The following ENG variants were observed in gnomAD, a reference collection of about 807,000 sequenced individuals.
ENG encodes the protein endoglin.
Under a neutral mutation model 71.0 loss-of-function variants are expected in ENG, and 17 were observed. The ratio of observed to expected loss-of-function variants is 0.24; its 90% CI spans 0.16 to 0.36. The LOEUF (loss-of-function observed/expected upper bound fraction) is 0.36. Among genes scored for constraint, ENG ranks in the 10% least tolerant of loss-of-function variants. The pLI is 1.00. For missense variants in ENG, 749 were observed against 868.3 expected (o/e 0.86, Z 1.73); for synonymous variants, 360 against 366.9 (o/e 0.98, Z 0.21).
rs1830899884 is a variant in ENG at position 127,836,217 on chromosome 9, C to A, written c.220-6390G>T. 6.6e-6 allele frequency among the ~76,000 whole-genome samples: 1 copy of A among 152,226 alleles called. No homozygotes were observed. The highest frequency in any genetic ancestry group is 1.5e-5 in the Non-Finnish European group (1 of 68,028). On this transcript the variant is annotated intron_variant, in intron 2 of 14. Transcript: ENST00000373203. The surrounding 1 kb of genome is among the most constrained non-coding windows in gnomAD (Gnocchi z 4.0). ...TTGCCCCCAACCCCAAGCTCCCAGCCTTCCTCATGGGACCCTGGGAATTCC... is the reference window on the plus strand; with the variant it reads ...TTGCCCCCAACCCCAAGCTCCCAGCATTCCTCATGGGACCCTGGGAATTCC...
At chr9:127,818,922 G>T in intron 10 of ENG, 90 bp from the exon 11 acceptor site, 2 of 1,113,812 alleles carry the variant, frequency 1.8e-6, no homozygotes. Context: ...TCATGGCCCT[G>T]TGGAGTTGCC....
At position 127,838,459 on chromosome 9, in the gene ENG, G is replaced by A. The variant is rs781694307; in HGVS notation, c.219+4635C>T. ...CCACTGCCTCCCAGGACAGTCTGGGGGAGCTAAGGTCCCTCCCGGCTCTCT... is the reference window on the plus strand; with the variant it reads ...CCACTGCCTCCCAGGACAGTCTGGGAGAGCTAAGGTCCCTCCCGGCTCTCT... On this transcript the variant is annotated intron_variant, in intron 2 of 14. Transcript: ENST00000373203. The surrounding 1 kb of genome is among the most constrained non-coding windows in gnomAD (Gnocchi z 4.3). Among the ~76,000 whole-genome samples, 4 of 152,178 alleles carry A rather than the reference G, an allele frequency of 2.6e-5. No homozygotes were observed. The highest frequency in any genetic ancestry group is 5.9e-5 in the Non-Finnish European group (4 of 68,024).
chr9:127,837,620 C>A (rs927906069), intron 2 of ENG, among the ~76,000 whole-genome samples: 1 of 152,158 alleles, frequency 6.6e-6, no homozygotes, highest in African/African-American at 2.4e-5. Context: ...CCAACACCTC[C>A]GAACGACCAG....
chr9:127,831,908 G>T (rs1473380995), intron 2 of ENG, among the ~76,000 whole-genome samples: 1 of 151,208 alleles, frequency 6.6e-6, no homozygotes, highest in Non-Finnish European at 1.5e-5. Context: ...GGCCAGGCTG[G>T]CTTTTCTTTG....
chr9:127,819,908 T>G lies in ENG; in HGVS notation c.1264A>C (p.Ser422Arg). ...TTGGCCCCAGCTCTTACCTCATTGC[T>G]GATCATACTTGCTGACACCTGCATG... ...CGMQVSASMI[S>R]NEAVVNILSS... Residue 422 changes from serine (S) to arginine (R), a missense_variant, in exon 9 of 15, where the codon AGC becomes CGC. Transcript: ENST00000373203. 1.2e-6 allele frequency: 2 copies of G among 1,614,248 alleles called. No homozygotes were observed. Among genetic ancestry groups the G allele is most frequent in the South Asian group, 1.1e-5 (1 of 91,090 alleles).
At chr9:127,848,809 A>G (rs1327176208) in intron 1 of ENG, among the ~76,000 whole-genome samples, 1 of 152,240 alleles carries the variant, frequency 6.6e-6, no homozygotes, top group Admixed American at 6.5e-5. Context: ...CAGTTAGTCC[A>G]GGGCTCAGAG....
chr9:127,828,983 C>G (rs1190847637), intron 3 of ENG, among the ~76,000 whole-genome samples: 1 of 152,150 alleles, frequency 6.6e-6, no homozygotes, highest in Non-Finnish European at 1.5e-5. Flanking sequence ...GCAGTGCTGG[C>G]AAGCCACCCT....
rs1482783820 is a variant in ENG, at chr9:127,825,808, G to A, written c.576C>T (p.Arg192=). The part of the protein sequence containing the change: ...CMLEASQDMG[R]TLEWRPRTPA... ...GAGTACGCGGCCGCCACTCGAGCGTGCGGCCCATGTCCTGGCTGGCTTCCA... is the reference window on the plus strand; with the variant it reads ...GAGTACGCGGCCGCCACTCGAGCGTACGGCCCATGTCCTGGCTGGCTTCCA... The change falls in exon 5 of 15, where the codon CGC becomes CGT. Residue 192 remains arginine (R), a synonymous_variant. Coordinates refer to ENST00000373203, the MANE Select transcript of ENG (RefSeq NM_001114753.3). 3 of 1,597,578 alleles carry A rather than the reference G, an allele frequency of 1.9e-6. No individual in the cohort carries two copies. The Admixed American group carries it at 5.2e-5, about 28-fold the overall frequency.
intron 2 of ENG, among the ~76,000 whole-genome samples, chr9:127,842,225 CTTTTT>C (rs58446681): frequency 1.4e-4 from 16 of 115,990 alleles, no homozygotes; most frequent in East Asian, 2.5e-4. Context: ...TTTTTCTTTT[CTTTTT>C]TTTTTTTTTT....
Position 127,818,366 on chromosome 9 carries a change from G to T in ENG, c.1440C>A (p.Ser480=), listed in dbSNP as rs1588575160. The change falls in exon 12 of 15, where the codon TCC becomes TCA. Residue 480 remains serine (S), a synonymous_variant. Coordinates refer to ENST00000373203, the MANE Select transcript of ENG (RefSeq NM_001114753.3). ...GQQSFVQVRV[S]PSVSEFLLQL... is the part of the protein sequence containing the mutation. ...GGAGCAGGAACTCGGAGACGGATGG[G>T]GACACTCTGACCTGCATGGGTAGGT... is the stretch of plus-strand genomic sequence containing the variant. 6.2e-7 allele frequency: 1 copy of T among 1,613,660 alleles called. No individual in the cohort carries two copies. Among genetic ancestry groups the T allele is most frequent in the Non-Finnish European group, 8.5e-7 (1 of 1,180,012 alleles).
At chr9:127,837,607 A>C (rs1830929325) in intron 2 of ENG, among the ~76,000 whole-genome samples, 1 of 152,230 alleles carries the variant, frequency 6.6e-6, no homozygotes, top group Non-Finnish European at 1.5e-5. Flanking sequence ...GGCAGAGAAC[A>C]AACCAACACC....
chr9:127,829,307 T>C (rs1049174858), intron 3 of ENG, among the ~76,000 whole-genome samples: 1 of 152,198 alleles, frequency 6.6e-6, no homozygotes, highest in African/African-American at 2.4e-5. Flanking sequence ...TTTTCCTCTG[T>C]CTTTAAATAT....
rs1443997884 is a variant in ENG, at chr9:127,846,550, C to T, written c.68-3305G>A. On this transcript the variant is annotated intron_variant, in intron 1 of 14. Transcript: ENST00000373203. This position sits in a 1 kb window ranked among gnomAD's most constrained non-coding sequence, Gnocchi z 5.5. ...CCGCCTCCTCCATGCCGTCAGCCAG[C>T]GGGAGAGGCCACAAGCCTGGCCATT... Among the ~76,000 whole-genome samples, 4 of 152,144 alleles carry T rather than the reference C, an allele frequency of 2.6e-5. No homozygotes were observed. Among genetic ancestry groups the T allele is most frequent in the Non-Finnish European group, 4.4e-5 (3 of 68,026 alleles).
intron 2 of ENG, among the ~76,000 whole-genome samples, chr9:127,831,159 ATT>A (rs548554493): frequency 3.2e-4 from 42 of 132,830 alleles, no homozygotes; most frequent in Admixed American, 6.1e-4. Context: ...CGTAAATACC[ATT>A]TTTTTTTTTT....
In ENG at chr9:127,818,103, G is replaced by A. The variant is rs750692393; in HGVS notation, c.1686+17C>T. The stretch of plus-strand genomic sequence containing the variant: ...AAGCTCCCACTTGAAGCTGGGGCCG[G>A]CCCAGGCCCCACTCACCTGGTCTTG... On this transcript the variant is annotated intron_variant, in intron 12 of 14. Coordinates refer to ENST00000373203, the MANE Select transcript of ENG (RefSeq NM_001114753.3). The A allele has an allele frequency of 1.9e-6, 3 of 1,614,026 alleles. No homozygotes were observed. The highest frequency in any genetic ancestry group is 2.2e-5 in the South Asian group (2 of 91,088).
At chr9:127,833,639 A>G (rs558010518) in intron 2 of ENG, among the ~76,000 whole-genome samples, 6 of 152,298 alleles carry the variant, frequency 3.9e-5, no homozygotes, top group African/African-American at 1.2e-4. Context: ...GCTCTCATAC[A>G]AAAGCTGCCA....
At position 127,836,664 on chromosome 9, in the gene ENG, A is replaced by G. The variant is rs1011915945; in HGVS notation, c.219+6430T>C. ...TAGCCTGTGACCTTGGACAGTCACT[A>G]TGCCTCTCTGGGCCTCAGTTTCCTG... is the stretch of plus-strand genomic sequence containing the variant. On this transcript the variant is annotated intron_variant, in intron 2 of 14. Coordinates refer to ENST00000373203, the MANE Select transcript of ENG (RefSeq NM_001114753.3). The surrounding 1 kb of genome is among the most constrained non-coding windows in gnomAD (Gnocchi z 4.0). Among the ~76,000 whole-genome samples the G allele has an allele frequency of 3.2e-4, 49 of 152,344 alleles. No homozygotes were observed. Among genetic ancestry groups the G allele is most frequent in the African/African-American group, 1.1e-3 (44 of 41,580 alleles).
At chr9:127,819,763 A>G in intron 9 of ENG, 103 bp from the exon 10 acceptor site, 2 of 1,595,604 alleles carry the variant, frequency 1.3e-6, no homozygotes, top group Non-Finnish European at 8.6e-7. Flanking sequence ...AAGCCAACCA[A>G]TGGCCAAGCT....
Position 127,836,155 on chromosome 9 carries a change from C to G in ENG, c.220-6328G>C, listed in dbSNP as rs1377692601. Among the ~76,000 whole-genome samples the G allele has an allele frequency of 2.0e-5, 3 of 152,348 alleles. 1 individual carries two copies. Among genetic ancestry groups the G allele is most frequent in the Admixed American group, 2.0e-4 (3 of 15,300 alleles). On this transcript the variant is annotated intron_variant, in intron 2 of 14. Transcript: ENST00000373203. This position sits in a 1 kb window ranked among gnomAD's most constrained non-coding sequence, Gnocchi z 4.0. Reference sequence around the variant, plus strand: ...CACCGACTTCCCCCTTCTCTCCCGGCCGGGGGCCCCAGAGGCAAAAAACGA... The same window carrying G: ...CACCGACTTCCCCCTTCTCTCCCGGGCGGGGGCCCCAGAGGCAAAAAACGA...
Sources: allele counts gnomAD v4.1 joint callset (sites outside exome capture counted in the v4.1 genomes callset), GRCh38; gene constraint gnomAD v4.1.1; non-coding constraint Gnocchi (gnomAD v3.1); transcripts MANE v1.5; gene names NCBI Gene and HGNC (gene_info 2026-07-23, HGNC 2026-07-21).